Variants in PIK3CG observed in about 807,000 individuals in gnomAD.
The protein encoded by PIK3CG is phosphatidylinositol 4,5-bisphosphate 3-kinase catalytic subunit gamma isoform.
A neutral mutation model predicts 102.3 loss-of-function variants in PIK3CG; 55 were observed. That is an observed-to-expected ratio of 0.54 (90% CI 0.43 to 0.67). The LOEUF (loss-of-function observed/expected upper bound fraction) is 0.67, where lower values mean the gene tolerates loss of function less well. Among genes scored for constraint, PIK3CG ranks in the 30% least tolerant of loss-of-function variants. The pLI, the probability that PIK3CG is intolerant of heterozygous loss-of-function variation, is 0.00. For missense variants in PIK3CG, 1,258 were observed against 1,391.8 expected (o/e 0.90, Z 1.53); for synonymous variants, 552 against 540.0 (o/e 1.02, Z -0.31).
rs2116416191 is a variant in PIK3CG, at chr7:106,867,585, G to T, written c.24G>T (p.Gln8His). 6.3e-7 allele frequency: 1 copy of T among 1,593,830 alleles called. No homozygotes were observed. The highest frequency in any genetic ancestry group is 1.1e-5 in the South Asian group (1 of 89,132). The change falls in exon 2 of 11, where the codon CAG becomes CAT. Residue 8 changes from glutamine (Q) to histidine (H), a missense_variant. Gln to His is a conservative substitution (Grantham distance 24). Coordinates refer to ENST00000496166, the MANE Select transcript of PIK3CG (RefSeq NM_001282426.2). The surrounding 1 kb of genome is among the most constrained non-coding windows in gnomAD (Gnocchi z 5.1). MELENYKQPVVLREDNCR... is the reference protein window; with the variant it reads MELENYKHPVVLREDNCR... ...GCATGGAGCTGGAGAACTATAAACA[G>T]CCCGTGGTGCTGAGAGAGGACAACT... is the stretch of plus-strand genomic sequence containing the variant.
chr7:106,874,907 G>A lies in PIK3CG; in HGVS notation c.2391+104G>A. The A allele has an allele frequency of 2.9e-6, 2 of 685,910 alleles. No homozygotes were observed. Among genetic ancestry groups the A allele is most frequent in the South Asian group, 1.8e-5 (1 of 54,170 alleles). The allele number at this position is 685,910 out of a possible 1,614,324, so 42.5% of individuals were successfully genotyped here. ...AAAGCTAATGTTTATGCAGAGACAG[G>A]GAAGCTGGAGAGTCTCTGGATGGGT... On this transcript the variant is annotated intron_variant, in intron 5 of 10. Transcript: ENST00000496166. The surrounding 1 kb of genome is among the most constrained non-coding windows in gnomAD (Gnocchi z 4.3).
At chr7:106,873,601 A>C (rs1790614379) in intron 4 of PIK3CG, among the ~76,000 whole-genome samples, 1 of 152,208 alleles carries the variant, frequency 6.6e-6, no homozygotes, top group African/African-American at 2.4e-5. Flanking sequence ...GGAAGTGCAT[A>C]GGTCATATGC....
rs1224050350 is a variant in PIK3CG, at chr7:106,906,887, C to A, written c.*1500C>A. 1 of 218,606 alleles carries A rather than the reference C, an allele frequency of 4.6e-6. No individual in the cohort carries two copies. Among genetic ancestry groups the A allele is most frequent in the Non-Finnish European group, 8.9e-6 (1 of 112,490 alleles). 13.5% of individuals were successfully genotyped at this position (218,606 alleles called of 1,614,324 possible). On this transcript the variant is annotated 3_prime_UTR_variant, in exon 11 of 11. Transcript: ENST00000496166. ...GCCCAAAGGTTCCTAAGCCTGGCTGCAAAGAAGAATCAACAGGGACACTTT... is the reference window on the plus strand; with the variant it reads ...GCCCAAAGGTTCCTAAGCCTGGCTGAAAAGAAGAATCAACAGGGACACTTT...
In PIK3CG at chr7:106,895,026, A is replaced by G. The variant is rs1219547391; in HGVS notation, c.3030+8734A>G. On this transcript the variant is annotated intron_variant, in intron 10 of 10. Transcript: ENST00000496166. This position sits in a 1 kb window ranked among gnomAD's most constrained non-coding sequence, Gnocchi z 5.4. The stretch of plus-strand genomic sequence containing the variant: ...TATAATTAAGGCATTTGAATCAACA[A>G]TGAAATTGAGAGCAGATGTACTACG... Among the ~76,000 whole-genome samples, 2 of 152,252 alleles carry G rather than the reference A, an allele frequency of 1.3e-5. No homozygotes were observed. Among genetic ancestry groups the G allele is most frequent in the Admixed American group, 6.5e-5 (1 of 15,288 alleles).
rs769318398 is a variant in PIK3CG, at chr7:106,867,883, G to C, written c.322G>C (p.Glu108Gln). The C allele has an allele frequency of 2.2e-5, 36 of 1,613,016 alleles. No homozygotes were observed. The highest frequency in any genetic ancestry group is 2.9e-5 in the Non-Finnish European group (34 of 1,179,972). ...CTATCAGAAGAAGGGGCAGTGGTAC[G>C]AGATCTACGACAAGTACCAGGTGGT... ...LLYQKKGQWY[E>Q]IYDKYQVVQT... Residue 108 changes from glutamate (E) to glutamine (Q), a missense_variant, in exon 2 of 11, where the codon GAG (glutamate) becomes CAG (glutamine). Glu to Gln is a conservative substitution (Grantham distance 29). Around this residue, in one of 2 missense-constraint regions of PIK3CG, gnomAD observed 832 missense variants for 787.5 expected, o/e 1.06. Transcript: ENST00000496166. The surrounding 1 kb of genome is among the most constrained non-coding windows in gnomAD (Gnocchi z 5.1).
rs201202352 is a variant in PIK3CG at position 106,869,162 on chromosome 7, C to T, written c.1601C>T (p.Pro534Leu). 6.2e-7 allele frequency: 1 copy of T among 1,614,190 alleles called. No individual in the cohort carries two copies. The highest frequency in any genetic ancestry group is 8.5e-7 in the Non-Finnish European group (1 of 1,180,038). ...CCGATAGCCCTGCCTAAGCATCAGC[C>T]CACCCCTGACCCGGAAGGGGACCGG... The part of the protein sequence containing the change: ...CHPIALPKHQ[P>L]TPDPEGDRVR... The change falls in exon 2 of 11, where the codon CCC becomes CTC. Residue 534 changes from proline (P) to leucine (L), a missense_variant. Around this residue, in one of 2 missense-constraint regions of PIK3CG, gnomAD observed 832 missense variants for 787.5 expected, o/e 1.06. Coordinates refer to ENST00000496166, the MANE Select transcript of PIK3CG (RefSeq NM_001282426.2). The surrounding 1 kb of genome is among the most constrained non-coding windows in gnomAD (Gnocchi z 5.3).
At position 106,875,317 on chromosome 7, in the gene PIK3CG, G is replaced by A. The variant is rs546831424; in HGVS notation, c.2391+514G>A. Reference sequence around the variant, plus strand: ...GGAGGTTGCAGTGAGCCAAGATCACGCCACTACACTCCAGCCTGGGTGACA... The same window carrying A: ...GGAGGTTGCAGTGAGCCAAGATCACACCACTACACTCCAGCCTGGGTGACA... On this transcript the variant is annotated intron_variant, in intron 5 of 10. Coordinates refer to ENST00000496166, the MANE Select transcript of PIK3CG (RefSeq NM_001282426.2). Among the ~76,000 whole-genome samples the A allele has an allele frequency of 1.9e-4, 28 of 145,624 alleles. No individual in the cohort carries two copies. In the South Asian group the frequency reaches 3.7e-3, roughly 19 times the overall value.
rs1562805973 is a variant in PIK3CG at position 106,907,764 on chromosome 7, T to TAACACATATATGCTAATATATATA, written c.*2381_*2382insCATATATGCTAATATATATAAACA. ...TAACATATATATGCTAATATATATA[T>TAACACATATATGCTAATATATATA]AACATATATATGCTAATATATATAT... On this transcript the variant is annotated 3_prime_UTR_variant, in exon 11 of 11. Coordinates refer to ENST00000496166, the MANE Select transcript of PIK3CG (RefSeq NM_001282426.2). 2.1e-5 allele frequency among the ~76,000 whole-genome samples: 3 copies of TAACACATATATGCTAATATATATA among 145,948 alleles called. No individual in the cohort carries two copies. Among genetic ancestry groups the TAACACATATATGCTAATATATATA allele is most frequent in the African/African-American group, 7.4e-5 (3 of 40,270 alleles).
chr7:106,900,616 C>T (rs758535162), intron 10 of PIK3CG, among the ~76,000 whole-genome samples: 1 of 152,116 alleles, frequency 6.6e-6, no homozygotes, highest in Non-Finnish European at 1.5e-5. Flanking sequence ...TAGCCGGTTA[C>T]TATGTTAGCT....
rs1791351387 is a variant in PIK3CG at position 106,894,421 on chromosome 7, T to C, written c.3030+8129T>C. On this transcript the variant is annotated intron_variant, in intron 10 of 10. Coordinates refer to ENST00000496166, the MANE Select transcript of PIK3CG (RefSeq NM_001282426.2). The surrounding 1 kb of genome is among the most constrained non-coding windows in gnomAD (Gnocchi z 4.4). ...AACAGAGCTAGTCTGAGAATCACTT[T>C]TCAAGTACTTACAGATAAAAATCCT... Among the ~76,000 whole-genome samples, 1 of 152,208 alleles carries C rather than the reference T, an allele frequency of 6.6e-6. No homozygotes were observed. Among genetic ancestry groups the C allele is most frequent in the Non-Finnish European group, 1.5e-5 (1 of 68,036 alleles).
At chr7:106,871,220 C>G (rs1384818269) in intron 2 of PIK3CG, among the ~76,000 whole-genome samples, 1 of 152,196 alleles carries the variant, frequency 6.6e-6, no homozygotes, top group Non-Finnish European at 1.5e-5. Flanking sequence ...TAGTTGAGAT[C>G]TGCACTGTCT....
At position 106,878,134 on chromosome 7, in the gene PIK3CG, T is replaced by C. The variant is rs568312062; in HGVS notation, c.2392-1385T>C. Among the ~76,000 whole-genome samples, 3 of 152,384 alleles carry C rather than the reference T, an allele frequency of 2.0e-5. No individual in the cohort carries two copies. The South Asian group carries it at 6.2e-4, about 32-fold the overall frequency. On this transcript the variant is annotated intron_variant, in intron 5 of 10. Transcript: ENST00000496166. ...ACACTTTTTATTCTGCTTTCATTTT[T>C]GAAAAATATTTTCCCTGAATATGGA...
Position 106,869,083 on chromosome 7 carries a change from C to T in PIK3CG, c.1522C>T (p.Pro508Ser), listed in dbSNP as rs2116457368. 6.2e-7 allele frequency: 1 copy of T among 1,614,168 alleles called. No individual in the cohort carries two copies. The highest frequency in any genetic ancestry group is 8.5e-7 in the Non-Finnish European group (1 of 1,180,014). Reference protein sequence around the residue: ...NADKLTSATNPDKENSMSISI... With the variant: ...NADKLTSATNSDKENSMSISI... ...TGACAAACTCACGTCTGCAACTAAC[C>T]CAGACAAGGAGAACTCAATGTCCAT... Residue 508 changes from proline (P) to serine (S), a missense_variant, in exon 2 of 11, where the codon CCA becomes TCA. Pro to Ser is a moderately conservative substitution (Grantham distance 74, BLOSUM62 -1). Around this residue, in one of 2 missense-constraint regions of PIK3CG, gnomAD observed 832 missense variants for 787.5 expected, o/e 1.06. Coordinates refer to ENST00000496166, the MANE Select transcript of PIK3CG (RefSeq NM_001282426.2). The surrounding 1 kb of genome is among the most constrained non-coding windows in gnomAD (Gnocchi z 5.3).
In PIK3CG at chr7:106,893,811, A is replaced by T. The variant is rs1466400602; in HGVS notation, c.3030+7519A>T. ...ATTAGGCAATTTCGTCATTGTGTAA[A>T]CATCAGAGTGAACTTACACAAACCT... On this transcript the variant is annotated intron_variant, in intron 10 of 10. Coordinates refer to ENST00000496166, the MANE Select transcript of PIK3CG (RefSeq NM_001282426.2). This position sits in a 1 kb window ranked among gnomAD's most constrained non-coding sequence, Gnocchi z 4.4. Among the ~76,000 whole-genome samples the T allele has an allele frequency of 6.6e-6, 1 of 152,200 alleles. No homozygotes were observed. The highest frequency in any genetic ancestry group is 2.4e-5 in the African/African-American group (1 of 41,434).
Position 106,869,439 on chromosome 7 carries a change from A to T in PIK3CG, c.1878A>T (p.Leu626Phe), listed in dbSNP as rs2116465856. 1 of 1,614,224 alleles carries T rather than the reference A, an allele frequency of 6.2e-7. No individual in the cohort carries two copies. The highest frequency in any genetic ancestry group is 8.5e-7 in the Non-Finnish European group (1 of 1,180,024). The stretch of plus-strand genomic sequence containing the variant: ...ATCAAAGTGCTTTGGATGTTGGGTT[A>T]ACAATGCAGCTCCTGGACTGCAACT... Reference protein sequence around the residue: ...VWDQSALDVGLTMQLLDCNFS... With the variant: ...VWDQSALDVGFTMQLLDCNFS... Residue 626 changes from leucine to phenylalanine, a missense_variant, in exon 2 of 11, where the codon TTA (leucine) becomes TTT (phenylalanine). Physicochemically the swap from Leu to Phe is conservative, Grantham distance 22. Transcript: ENST00000496166. This position sits in a 1 kb window ranked among gnomAD's most constrained non-coding sequence, Gnocchi z 5.3.
rs143413229 is a variant in PIK3CG, at chr7:106,893,559, A to C, written c.3030+7267A>C. On this transcript the variant is annotated intron_variant, in intron 10 of 10. Coordinates refer to ENST00000496166, the MANE Select transcript of PIK3CG (RefSeq NM_001282426.2). This position sits in a 1 kb window ranked among gnomAD's most constrained non-coding sequence, Gnocchi z 4.4. ...TGTCAGGGACATTGTTTACCATATT[A>C]CAAAACATACTCTCTCTATTAAGAT... Among the ~76,000 whole-genome samples, 1,516 of 152,342 alleles carry C rather than the reference A, an allele frequency of 1.0e-2. 30 individuals are homozygous for C. Among genetic ancestry groups the C allele is most frequent in the African/African-American group, 0.035 (1,436 of 41,582 alleles).
chr7:106,876,239 C>G (rs1480741742), intron 5 of PIK3CG, among the ~76,000 whole-genome samples: 1 of 151,974 alleles, frequency 6.6e-6, no homozygotes. Flanking sequence ...TAAACTTAGC[C>G]ATTCAAATGA....
At chr7:106,885,557 T>C (rs1232960567) in intron 9 of PIK3CG, among the ~76,000 whole-genome samples, 2 of 152,048 alleles carry the variant, frequency 1.3e-5, no homozygotes, top group South Asian at 2.1e-4. Context: ...TTATGGACAA[T>C]AGAAATGATA....
In PIK3CG at chr7:106,867,527, T is replaced by A. The variant is rs775566762; in HGVS notation, c.-12-23T>A. 1.3e-6 allele frequency: 2 copies of A among 1,518,986 alleles called. No homozygotes were observed. Among genetic ancestry groups the A allele is most frequent in the Admixed American group, 2.3e-5 (1 of 44,352 alleles). The allele number at this position is 1,518,986 out of a possible 1,614,324, so 94.1% of individuals were successfully genotyped here. A position where few individuals can be genotyped will look rare whatever the true frequency, so the allele number is the denominator to read the frequency against. ...GGGAAAGTGCCTTTCTTGTGACAAA[T>A]CCCTGTGTCCCTCCGCTCCCAGGTC... is the stretch of plus-strand genomic sequence containing the variant. On this transcript the variant is annotated intron_variant, in intron 1 of 10. Transcript: ENST00000496166. This position sits in a 1 kb window ranked among gnomAD's most constrained non-coding sequence, Gnocchi z 5.1.
Sources: allele counts gnomAD v4.1 joint callset (sites outside exome capture counted in the v4.1 genomes callset), GRCh38; gene constraint gnomAD v4.1.1; regional missense constraint gnomAD v4.1.1; non-coding constraint Gnocchi (gnomAD v3.1); transcripts MANE v1.5; gene names NCBI Gene and HGNC (gene_info 2026-07-23, HGNC 2026-07-21).